The following JKAMP variants were observed in gnomAD, a reference collection of about 807,000 sequenced individuals.
The protein encoded by JKAMP is JNK1/MAPK8-associated membrane protein.
In JKAMP, 20 loss-of-function variants were observed where a neutral mutation model predicts 40.2. That is an observed-to-expected ratio of 0.50 (90% CI 0.35 to 0.72). JKAMP has a LOEUF of 0.72. Ranked by LOEUF, JKAMP falls within the 30% of genes least tolerant of loss-of-function variation. The pLI is 0.01. For synonymous variants in JKAMP, 138 were observed against 131.6 expected, an observed-to-expected ratio of 1.05 and a Z score of -0.33; for missense variants, 276 against 373.0, an observed-to-expected ratio of 0.74 and a Z score of 2.14.
At chr14:59,501,693 T>TCCA (rs1891894213) in intron 6 of JKAMP, among the ~76,000 whole-genome samples, 1 of 152,232 alleles carries the variant, frequency 6.6e-6, no homozygotes, top group African/African-American at 2.4e-5. Flanking sequence ...CTTCTGTGTT[T>TCCA]TATCACAAAT....
chr14:59,484,940 C>G (rs916419332), intron 1 of JKAMP: 47 of 1,485,992 alleles, frequency 3.2e-5, no homozygotes, highest in Non-Finnish European at 3.8e-5. Flanking sequence ...AACAGTAAAG[C>G]AGAAGCAAGT....
chr14:59,484,733 G>A lies in JKAMP; in HGVS notation c.4+140G>A, dbSNP rs1404306444. On this transcript the variant is annotated intron_variant, in intron 1 of 6. Transcript: ENST00000616435. ...GCCCCTTGACCCCGCCCGCCCTCGGGCCGGGCTCCGCACTCCTGCGGGGTT... is the reference window on the plus strand; with the variant it reads ...GCCCCTTGACCCCGCCCGCCCTCGGACCGGGCTCCGCACTCCTGCGGGGTT... 1.1e-5 allele frequency: 12 copies of A among 1,130,724 alleles called. No homozygotes were observed. In the East Asian group the frequency reaches 2.8e-4, roughly 27 times the overall value. 70.0% of individuals were successfully genotyped at this position (1,130,724 alleles called of 1,614,324 possible). A position where few individuals can be genotyped will look rare whatever the true frequency, so the allele number is the denominator to read the frequency against.
At chr14:59,487,630 T>C (rs1393566782) in intron 2 of JKAMP, 44 bp from the exon 3 acceptor site, 4 of 1,493,400 alleles carry the variant, frequency 2.7e-6, no homozygotes, top group Non-Finnish European at 3.7e-6. Context: ...GTTAATGTTG[T>C]AAAATAATAT....
intron 1 of JKAMP, chr14:59,485,117 G>C (rs1360821866): frequency 6.3e-7 from 1 of 1,598,398 alleles, no homozygotes; most frequent in Non-Finnish European, 8.5e-7. Context: ...GTTTTGCTTA[G>C]TAAGTGATAG....
At chr14:59,488,098 C>T (rs1293048040) in intron 3 of JKAMP, among the ~76,000 whole-genome samples, 2 of 151,922 alleles carry the variant, frequency 1.3e-5, no homozygotes, top group African/African-American at 4.8e-5. Context: ...TGGTTTTCTA[C>T]ACAAAATTGG....
chr14:59,497,153 A>G (rs1051342337), intron 4 of JKAMP, among the ~76,000 whole-genome samples: 3 of 152,160 alleles, frequency 2.0e-5, no homozygotes, highest in Non-Finnish European at 4.4e-5. Context: ...GACTTTACTG[A>G]TAATTATAGT....
intron 3 of JKAMP, among the ~76,000 whole-genome samples, chr14:59,494,327 TAA>T (rs1891267793): frequency 6.6e-6 from 1 of 152,100 alleles, no homozygotes; most frequent in Non-Finnish European, 1.5e-5. Flanking sequence ...ACAGAATGGA[TAA>T]ACAAATCACA....
chr14:59,503,000 G>A lies in JKAMP; in HGVS notation c.718-854G>A, dbSNP rs776531242. Among the ~76,000 whole-genome samples, 77 of 151,706 alleles carry A rather than the reference G, an allele frequency of 5.1e-4. 1 individual carries two copies. Among genetic ancestry groups the A allele is most frequent in the Admixed American group, 4.7e-3 (72 of 15,224 alleles). On this transcript the variant is annotated intron_variant, in intron 6 of 6. Coordinates refer to ENST00000616435, the MANE Select transcript of JKAMP (RefSeq NM_016475.5). ...CCTGACCTCATAACCCACCCACCTC[G>A]GCCTCCCACAGTGCTGAGATTACAG...
chr14:59,490,982 C>T lies in JKAMP; in HGVS notation c.251+3154C>T, dbSNP rs185038813. ...AGGCGAGGAGTGACTAATGCTCAGA[C>T]AGGAAAGGAGGTGGGTTTAAAAAGA... On this transcript the variant is annotated intron_variant, in intron 3 of 6. Coordinates refer to ENST00000616435, the MANE Select transcript of JKAMP (RefSeq NM_016475.5). 1.3e-3 allele frequency among the ~76,000 whole-genome samples: 203 copies of T among 152,300 alleles called. 1 individual carries two copies. The Middle Eastern group carries it at 0.014, about 10-fold the overall frequency.
At chr14:59,503,039 C>T (rs527518722) in intron 6 of JKAMP, among the ~76,000 whole-genome samples, 5 of 151,890 alleles carry the variant, frequency 3.3e-5, no homozygotes, top group Non-Finnish European at 5.9e-5. Context: ...TGAGCCACCA[C>T]GCCTGACCTT....
intron 3 of JKAMP, among the ~76,000 whole-genome samples, chr14:59,490,867 GT>G (rs1890941874): frequency 1.3e-5 from 2 of 152,202 alleles, no homozygotes; most frequent in Admixed American, 6.5e-5. Context: ...ACAGGCATAG[GT>G]ATGTCTTCAC....
At chr14:59,486,632 TG>T in intron 1 of JKAMP, 80 bp from the exon 2 acceptor site, 3 of 933,540 alleles carry the variant, frequency 3.2e-6, no homozygotes, top group Non-Finnish European at 4.9e-6. Flanking sequence ...CTGTTATTTT[TG>T]CCAAATGCTT....
intron 3 of JKAMP, among the ~76,000 whole-genome samples, chr14:59,494,118 T>TTGGG (rs1891241237): frequency 3.2e-5 from 3 of 93,288 alleles, no homozygotes; most frequent in Non-Finnish European, 6.0e-5. Flanking sequence ...AGAAGAAAAT[T>TTGGG]TGGGTGTGTG....
chr14:59,504,231 T>TA lies in JKAMP; in HGVS notation c.*160dup. 1 of 612,672 alleles carries TA rather than the reference T, an allele frequency of 1.6e-6. No homozygotes were observed. The highest frequency in any genetic ancestry group is 2.9e-6 in the Non-Finnish European group (1 of 348,692). 38.0% of individuals were successfully genotyped at this position (612,672 alleles called of 1,614,324 possible). A position where few individuals can be genotyped will look rare whatever the true frequency, so the allele number is the denominator to read the frequency against. ...TCTTTGTTTTGTTTATGGTTAGACT[T>TA]ACAGACTTGGAAAATGCAAAACTCT... On this transcript the variant is annotated 3_prime_UTR_variant, in exon 7 of 7. Coordinates refer to ENST00000616435, the MANE Select transcript of JKAMP (RefSeq NM_016475.5).
chr14:59,499,164 C>T (rs914650324), intron 5 of JKAMP, among the ~76,000 whole-genome samples: 3 of 151,546 alleles, frequency 2.0e-5, no homozygotes, highest in African/African-American at 7.3e-5. Context: ...GCTGGGACTA[C>T]AGGCATGTGC....
chr14:59,491,284 T>C (rs992295802), intron 3 of JKAMP, among the ~76,000 whole-genome samples: 21 of 152,090 alleles, frequency 1.4e-4, no homozygotes, highest in African/African-American at 5.1e-4. Flanking sequence ...GGCCAGGAAA[T>C]AGAGAAGACG....
At chr14:59,494,716 A>T (rs1303093197) in intron 3 of JKAMP, among the ~76,000 whole-genome samples, 2 of 152,194 alleles carry the variant, frequency 1.3e-5, no homozygotes, top group African/African-American at 4.8e-5. Flanking sequence ...AACACGTTAC[A>T]TACCATCTTT....
At chr14:59,501,109 A>C (rs1404527803) in intron 5 of JKAMP, 82 bp from the exon 6 acceptor site, 2 of 903,186 alleles carry the variant, frequency 2.2e-6, no homozygotes, top group African/African-American at 3.4e-5. Flanking sequence ...GACTCTAAGG[A>C]AAATTACTAT....
intron 3 of JKAMP, 135 bp from the exon 4 acceptor site, chr14:59,494,883 A>C (rs1156646942): frequency 3.1e-6 from 2 of 638,758 alleles, no homozygotes; most frequent in Non-Finnish European, 5.5e-6. Flanking sequence ...TTTTGAGAAA[A>C]AAAGGTTATA....
Sources: gnomAD v4.1 joint callset for allele counts (sites outside exome capture counted in the v4.1 genomes callset) on GRCh38, gnomAD v4.1.1 for gene constraint, MANE v1.5 for transcripts, NCBI Gene and HGNC (gene_info 2026-07-23, HGNC 2026-07-21) for gene names.